ZSWIM6: variants seen among roughly 807,000 people sequenced by gnomAD.
ZSWIM6 encodes zinc finger SWIM-type containing 6, also known as zinc finger SWIM domain-containing protein 6.
In ZSWIM6, 9 loss-of-function variants were observed where a neutral mutation model predicts 113.2. The ratio of observed to expected loss-of-function variants is 0.08; its 90% CI spans 0.05 to 0.14. The LOEUF is 0.14. Ranked by LOEUF, ZSWIM6 falls within the 10% of genes least tolerant of loss-of-function variation. The probability of loss-of-function intolerance (pLI) is 1.00; values close to 1 mark genes in which losing one functional copy is unlikely to be tolerated. For missense variants in ZSWIM6, 1,162 were observed against 1,552.2 expected (o/e 0.75, Z 4.22); for synonymous variants, 611 against 606.5 (o/e 1.01, Z -0.11).
At chr5:61,368,137 A>G (rs922170301) in intron 1 of ZSWIM6, among the ~76,000 whole-genome samples, 1 of 152,114 alleles carries the variant, frequency 6.6e-6, no homozygotes, top group African/African-American at 2.4e-5. Context: ...AAAAACCAAA[A>G]GTTTCTACCT....
At position 61,544,530 on chromosome 5, in the gene ZSWIM6, A is replaced by AT. The variant is rs981821269; in HGVS notation, c.*221dup. ...ATTTCTTTCTTTCCTTTATTTTATTATTTTTTTTAATTTTTTTTTTCTGGT... is the reference window on the plus strand; with the variant it reads ...ATTTCTTTCTTTCCTTTATTTTATTATTTTTTTTTAATTTTTTTTTTCTGGT... On this transcript the variant is annotated 3_prime_UTR_variant, in exon 14 of 14. Coordinates refer to ENST00000252744, the MANE Select transcript of ZSWIM6 (RefSeq NM_020928.2). 4.7e-5 allele frequency: 11 copies of AT among 235,182 alleles called. No homozygotes were observed. Among genetic ancestry groups the AT allele is most frequent in the Non-Finnish European group, 8.0e-5 (10 of 124,954 alleles). 14.6% of individuals were successfully genotyped at this position (235,182 alleles called of 1,614,324 possible). A position where few individuals can be genotyped will look rare whatever the true frequency, so the allele number is the denominator to read the frequency against.
chr5:61,516,861 A>G (rs1210611645), intron 4 of ZSWIM6, among the ~76,000 whole-genome samples: 1 of 151,840 alleles, frequency 6.6e-6, no homozygotes, highest in East Asian at 1.9e-4. Context: ...AATACTGTAA[A>G]TTTTCCCTGA....
At chr5:61,374,507 C>T (rs1745327422) in intron 1 of ZSWIM6, among the ~76,000 whole-genome samples, 1 of 152,148 alleles carries the variant, frequency 6.6e-6, no homozygotes, top group South Asian at 2.1e-4. Context: ...CCATGAATCA[C>T]ATCATTTGTA....
chr5:61,511,260 C>T (rs1371610384), intron 4 of ZSWIM6, among the ~76,000 whole-genome samples: 2 of 152,084 alleles, frequency 1.3e-5, no homozygotes, highest in East Asian at 1.9e-4. Context: ...AAAAATTTCT[C>T]ATTCTGCAAA....
At chr5:61,343,627 G>A (rs1290832220) in intron 1 of ZSWIM6, among the ~76,000 whole-genome samples, 1 of 152,102 alleles carries the variant, frequency 6.6e-6, no homozygotes, top group Non-Finnish European at 1.5e-5. Context: ...GTGGCTGTAG[G>A]TCTTTGTTGG....
intron 13 of ZSWIM6, among the ~76,000 whole-genome samples, chr5:61,542,580 T>C (rs1292995001): frequency 6.6e-6 from 1 of 152,204 alleles, no homozygotes; most frequent in Non-Finnish European, 1.5e-5. Context: ...GGATACATAC[T>C]TCATGCTGAG....
At chr5:61,516,220 C>T (rs1054047215) in intron 4 of ZSWIM6, among the ~76,000 whole-genome samples, 5 of 150,066 alleles carry the variant, frequency 3.3e-5, no homozygotes, top group Non-Finnish European at 7.4e-5. Context: ...TTTTGTTTAT[C>T]CCCTCTGTTT....
At chr5:61,432,738 G>A (rs530179061) in intron 1 of ZSWIM6, among the ~76,000 whole-genome samples, 3 of 152,158 alleles carry the variant, frequency 2.0e-5, no homozygotes, top group South Asian at 2.1e-4. Context: ...GACAGTGATC[G>A]TTCTTTTCTT....
chr5:61,453,333 C>T (rs1395271895), intron 1 of ZSWIM6, among the ~76,000 whole-genome samples: 2 of 149,868 alleles, frequency 1.3e-5, no homozygotes, highest in Non-Finnish European at 3.0e-5. Context: ...ACAATTATCA[C>T]TTTTGTGTTT....
At chr5:61,497,140 A>G (rs1748340427) in intron 4 of ZSWIM6, among the ~76,000 whole-genome samples, 1 of 151,948 alleles carries the variant, frequency 6.6e-6, no homozygotes, top group African/African-American at 2.4e-5. Context: ...CTGGCATGAA[A>G]GCCCTAATCT....
At chr5:61,375,508 A>C in intron 1 of ZSWIM6, 1 of 1,554,908 alleles carries the variant, frequency 6.4e-7, no homozygotes. Context: ...AAAACAGAGA[A>C]AGAAAAAGAA....
intron 7 of ZSWIM6, among the ~76,000 whole-genome samples, chr5:61,528,776 C>T (rs1224826392): frequency 7.9e-5 from 12 of 151,956 alleles, no homozygotes; most frequent in Admixed American, 3.3e-4. Flanking sequence ...TTAGTACAGA[C>T]GGGGTTTCAC....
Position 61,332,831 on chromosome 5 carries a change from G to T in ZSWIM6, c.559G>T (p.Gly187Trp). The T allele has an allele frequency of 1.0e-6, 1 of 992,754 alleles. No individual in the cohort carries two copies. The highest frequency in any genetic ancestry group is 4.4e-5 in the South Asian group (1 of 22,780). 61.5% of individuals were successfully genotyped at this position (992,754 alleles called of 1,614,324 possible). Reference sequence around the variant, plus strand: ...CGCCGCCGCCGCCGCCGCGGGGGCCGGGGCCCCGTCGGTGGGGGCTGCCGG... The same window carrying T: ...CGCCGCCGCCGCCGCCGCGGGGGCCTGGGCCCCGTCGGTGGGGGCTGCCGG... ...AAAAAAAAGA[G>W]APSVGAAGAA... is the part of the protein sequence containing the mutation. Residue 187 changes from glycine to tryptophan, a missense_variant, in exon 1 of 14, where the codon GGG (glycine) becomes TGG (tryptophan). Physicochemically the swap from Gly to Trp is radical, Grantham distance 184. Coordinates refer to ENST00000252744, the MANE Select transcript of ZSWIM6 (RefSeq NM_020928.2).
intron 1 of ZSWIM6, among the ~76,000 whole-genome samples, chr5:61,334,681 C>T (rs1032031043): frequency 1.3e-5 from 2 of 152,156 alleles, no homozygotes; most frequent in African/African-American, 2.4e-5. Flanking sequence ...GCACTCTTTC[C>T]TTCTGTCTAG....
chr5:61,378,475 T>C (rs1745414525), intron 1 of ZSWIM6, among the ~76,000 whole-genome samples: 1 of 152,226 alleles, frequency 6.6e-6, no homozygotes, highest in Non-Finnish European at 1.5e-5. Flanking sequence ...ACAACATTTG[T>C]GGATGGATTC....
intron 4 of ZSWIM6, among the ~76,000 whole-genome samples, chr5:61,505,249 A>G (rs1434108234): frequency 6.6e-6 from 1 of 152,202 alleles, no homozygotes; most frequent in East Asian, 1.9e-4. Context: ...ACATTCCTTC[A>G]GCTATTGACA....
At chr5:61,536,635 A>G (rs1749581248) in intron 10 of ZSWIM6, among the ~76,000 whole-genome samples, 1 of 152,104 alleles carries the variant, frequency 6.6e-6, no homozygotes, top group Admixed American at 6.5e-5. Flanking sequence ...AGTGTCCCCA[A>G]AGTTACCCTG....
rs559073632 is a variant in ZSWIM6 at position 61,372,442 on chromosome 5, T to TC, written c.676+39495dup. ...CTAAATTCAGTGGGCTCTTCATTCT[T>TC]CATCTTATTTGACAACTCAGTAGCA... On this transcript the variant is annotated intron_variant, in intron 1 of 13. Coordinates refer to ENST00000252744, the MANE Select transcript of ZSWIM6 (RefSeq NM_020928.2). 3.3e-5 allele frequency among the ~76,000 whole-genome samples: 5 copies of TC among 152,324 alleles called. No homozygotes were observed. The East Asian group carries it at 5.8e-4, about 18-fold the overall frequency.
chr5:61,396,695 T>G (rs988869904), intron 1 of ZSWIM6, among the ~76,000 whole-genome samples: 1 of 152,174 alleles, frequency 6.6e-6, no homozygotes, highest in African/African-American at 2.4e-5. Flanking sequence ...TTGGCCTGGT[T>G]TAAATAGTTT....
Sources: allele counts gnomAD v4.1 joint callset (sites outside exome capture counted in the v4.1 genomes callset), GRCh38; gene constraint gnomAD v4.1.1; transcripts MANE v1.5; gene names NCBI Gene and HGNC (gene_info 2026-07-23, HGNC 2026-07-21).